The following DCAF15 variants were observed in gnomAD, a reference collection of about 807,000 sequenced individuals.
The protein encoded by DCAF15 is DDB1- and CUL4-associated factor 15.
A neutral mutation model predicts 68.0 loss-of-function variants in DCAF15; 24 were observed. The observed-to-expected ratio is 0.35, with a 90% CI of 0.26 to 0.50. DCAF15 has a LOEUF of 0.50. Ranked by LOEUF, DCAF15 falls within the 20% of genes least tolerant of loss-of-function variation. The probability of loss-of-function intolerance (pLI) is 0.98; values close to 1 mark genes in which losing one functional copy is unlikely to be tolerated. For synonymous variants in DCAF15, 376 were observed against 341.6 expected, an observed-to-expected ratio of 1.10 and a Z score of -1.11; for missense variants, 627 against 830.6, an observed-to-expected ratio of 0.75 and a Z score of 3.01.
chr19:13,952,887 G>C, intron 1 of DCAF15: 1 of 795,848 alleles, frequency 1.3e-6, no homozygotes, highest in Non-Finnish European at 1.9e-6. Flanking sequence ...GAGGGGGTTG[G>C]GGGCGGGGCC....
chr19:13,961,054 T>A lies in DCAF15; in HGVS notation c.*59T>A. The A allele has an allele frequency of 6.2e-7, 1 of 1,602,232 alleles. No homozygotes were observed. Among genetic ancestry groups the A allele is most frequent in the Admixed American group, 1.7e-5 (1 of 59,948 alleles). On this transcript the variant is annotated 3_prime_UTR_variant, in exon 13 of 13. Transcript: ENST00000254337. ...CCTCCGTGGCCTGGGACCGGCCCCC[T>A]TCCTGGGGTGGCCTCTTCCTGGCCG... is the stretch of plus-strand genomic sequence containing the variant.
rs760721393 is a variant in DCAF15 at position 13,959,384 on chromosome 19, C to T, written c.1124C>T (p.Pro375Leu). ...CGETAPRDSP[P>L]ASEAPASEPG... ...GAGACGGCACCCCGGGACAGCCCCC[C>T]TGCCTCGGAGGCACCTGCCTCCGAG... Residue 375 changes from proline (P) to leucine (L), a missense_variant, in exon 7 of 13, where the codon CCT becomes CTT. This residue lies in a region of DCAF15 where 236 missense variants were observed against 225.1 expected (regional missense o/e 1.05). Coordinates refer to ENST00000254337, the MANE Select transcript of DCAF15 (RefSeq NM_138353.4). The T allele has an allele frequency of 6.2e-7, 1 of 1,605,982 alleles. No individual in the cohort carries two copies. The highest frequency in any genetic ancestry group is 1.1e-5 in the South Asian group (1 of 91,080).
In DCAF15 at chr19:13,959,246, G is replaced by C. The variant is rs774956668; in HGVS notation, c.986G>C (p.Arg329Pro). The C allele has an allele frequency of 6.2e-7, 1 of 1,612,550 alleles. No individual in the cohort carries two copies. Among genetic ancestry groups the C allele is most frequent in the African/African-American group, 1.3e-5 (1 of 75,022 alleles). ...AAGGAGTTTGTGGCTGACATCTTCC[G>C]CCGGGCCAAAGAGGCCAAGGGCGGG... is the stretch of plus-strand genomic sequence containing the variant. The part of the protein sequence containing the change: ...KAKEFVADIF[R>P]RAKEAKGGVP... Residue 329 changes from arginine to proline, a missense_variant, in exon 7 of 13, where the codon CGC becomes CCC. Transcript: ENST00000254337.
chr19:13,955,862 G>C, intron 3 of DCAF15, 50 bp from the exon 4 acceptor site: 1 of 1,592,004 alleles, frequency 6.3e-7, no homozygotes, highest in South Asian at 1.1e-5. Flanking sequence ...AGCTTCGGGG[G>C]ACCTCCGCAG....
intron 6 of DCAF15, among the ~76,000 whole-genome samples, chr19:13,958,072 C>T (rs924956916): frequency 6.6e-6 from 1 of 152,168 alleles, no homozygotes; most frequent in African/African-American, 2.4e-5. Context: ...TCTGTCCTCA[C>T]CCCCAATCTA....
intron 3 of DCAF15, among the ~76,000 whole-genome samples, chr19:13,955,099 C>T (rs1016076764): frequency 4.0e-5 from 6 of 151,446 alleles, no homozygotes; most frequent in African/African-American, 1.5e-4. Flanking sequence ...GAGTGAGACC[C>T]TGTCTCTAAA....
In DCAF15 at chr19:13,960,634, C is replaced by T. The variant is rs1350201825; in HGVS notation, c.1747+54C>T. On this transcript the variant is annotated intron_variant, in intron 12 of 12. Transcript: ENST00000254337. ...GGGTCACCAGGAACACTTGTCCTCA[C>T]CCAGGAGCTGATTCCTGAGCGCTGA... The T allele has an allele frequency of 2.7e-6, 4 of 1,474,092 alleles. No homozygotes were observed. In the South Asian group the frequency reaches 5.0e-5, roughly 19 times the overall value. The allele number at this position is 1,474,092 out of a possible 1,614,324, so 91.3% of individuals were successfully genotyped here. A position where few individuals can be genotyped will look rare whatever the true frequency, so the allele number is the denominator to read the frequency against.
intron 6 of DCAF15, 106 bp from the exon 7 acceptor site, chr19:13,958,939 C>T: frequency 7.2e-7 from 1 of 1,381,474 alleles, no homozygotes; most frequent in Non-Finnish European, 9.8e-7. Flanking sequence ...ATAGCCAAGT[C>T]TCCTAGAAGT....
Position 13,955,938 on chromosome 19 carries a change from C to G in DCAF15, c.393C>G (p.Asp131Glu), listed in dbSNP as rs375325527. ...TCCGGCAGGTTCGGCTATTCCAGGA[C>G]GAGGAGATCTACAGCGACCTGTACC... ...KLVRQVRLFQ[D>E]EEIYSDLYLT... Residue 131 changes from aspartate (D) to glutamate (E), a missense_variant, in exon 4 of 13, where the codon GAC becomes GAG. Transcript: ENST00000254337. 9 of 1,613,704 alleles carry G rather than the reference C, an allele frequency of 5.6e-6. No individual in the cohort carries two copies. Among genetic ancestry groups the G allele is most frequent in the South Asian group, 3.3e-5 (3 of 91,092 alleles).
Position 13,961,212 on chromosome 19 carries a change from G to C in DCAF15, c.*217G>C. ...TTAAGTTGGGAAGGGGCAGAGAGAG[G>C]GCGCCCCCTGCCCCACCAGCCTGAG... On this transcript the variant is annotated 3_prime_UTR_variant, in exon 13 of 13. Transcript: ENST00000254337. 1.6e-6 allele frequency: 1 copy of C among 609,654 alleles called. No individual in the cohort carries two copies. Among genetic ancestry groups the C allele is most frequent in the Non-Finnish European group, 2.9e-6 (1 of 345,514 alleles). The allele number at this position is 609,654 out of a possible 1,614,324, so 37.8% of individuals were successfully genotyped here.
intron 6 of DCAF15, among the ~76,000 whole-genome samples, chr19:13,957,303 G>A (rs1973404275): frequency 6.6e-6 from 1 of 152,236 alleles, no homozygotes; most frequent in Non-Finnish European, 1.5e-5. Flanking sequence ...ACAGGAGGGA[G>A]GGGGCCCCGG....
chr19:13,958,215 G>A (rs1973446732), intron 6 of DCAF15, among the ~76,000 whole-genome samples: 1 of 152,148 alleles, frequency 6.6e-6, no homozygotes, highest in South Asian at 2.1e-4. Flanking sequence ...CGACCACAGC[G>A]GACTATCAGC....
chr19:13,955,579 G>A (rs1274309141), intron 3 of DCAF15, among the ~76,000 whole-genome samples: 1 of 152,152 alleles, frequency 6.6e-6, no homozygotes, highest in East Asian at 1.9e-4. Flanking sequence ...CTTGACTCCT[G>A]GAACCCCCCC....
intron 11 of DCAF15, 29 bp from the exon 12 acceptor site, chr19:13,960,436 C>T (rs770959173): frequency 4.8e-5 from 78 of 1,611,736 alleles, no homozygotes; most frequent in East Asian, 1.6e-4. Context: ...GCCAAGGCGA[C>T]GAGAGCCACT....
chr19:13,957,561 CAT>C (rs921511526), intron 6 of DCAF15, among the ~76,000 whole-genome samples: 2 of 152,204 alleles, frequency 1.3e-5, no homozygotes, highest in Admixed American at 1.3e-4. Flanking sequence ...GATGCGTGCA[CAT>C]GTGGGTGAAA....
At chr19:13,957,369 G>C (rs1973407807) in intron 6 of DCAF15, among the ~76,000 whole-genome samples, 1 of 152,180 alleles carries the variant, frequency 6.6e-6, no homozygotes, top group Admixed American at 6.5e-5. Context: ...CTGTGCCCGG[G>C]TCTCTCCCTC....
Position 13,955,847 on chromosome 19 carries a change from C to T in DCAF15, c.367-65C>T, listed in dbSNP as rs1017472235. ...CCCCAGCCCTGATGAGGGACTGCAT[C>T]GTACAGCTTCGGGGGACCTCCGCAG... On this transcript the variant is annotated intron_variant, in intron 3 of 12. Transcript: ENST00000254337. 4.1e-5 allele frequency: 63 copies of T among 1,546,042 alleles called. No individual in the cohort carries two copies. The East Asian group carries it at 1.3e-3, about 31-fold the overall frequency.
intron 3 of DCAF15, among the ~76,000 whole-genome samples, chr19:13,955,131 CAAAT>C (rs1433035820): frequency 6.6e-6 from 1 of 151,554 alleles, no homozygotes; most frequent in Admixed American, 6.6e-5. Flanking sequence ...CAAAACAAAA[CAAAT>C]GAAGGCTGGC....
intron 6 of DCAF15, among the ~76,000 whole-genome samples, chr19:13,958,753 T>C (rs1453153401): frequency 6.6e-6 from 1 of 151,646 alleles, no homozygotes; most frequent in African/African-American, 2.4e-5. Flanking sequence ...CGCTGTAGAG[T>C]GTTGTCTCCC....
Sources: gnomAD v4.1 joint callset for allele counts (sites outside exome capture counted in the v4.1 genomes callset) on GRCh38, gnomAD v4.1.1 for gene constraint, gnomAD v4.1.1 regional missense constraint, MANE v1.5 for transcripts, NCBI Gene and HGNC (gene_info 2026-07-23, HGNC 2026-07-21) for gene names.